TRAPPC13: variants seen among roughly 807,000 people sequenced by gnomAD.
The protein encoded by TRAPPC13 is REV7-interacting novel NHEJ regulator 1.
TRAPPC13 carries 39 observed loss-of-function variants against 54.0 expected under a neutral mutation model. That is an observed-to-expected ratio of 0.72 (90% CI 0.56 to 0.94). The LOEUF is 0.94. Ranked by LOEUF, TRAPPC13 falls within the 40% of genes least tolerant of loss-of-function variation. The pLI is 0.00. For missense variants in TRAPPC13, 386 were observed against 488.1 expected (o/e 0.79, Z 1.97); for synonymous variants, 148 against 167.7 (o/e 0.88, Z 0.91).
intron 10 of TRAPPC13, chr5:65,661,824 G>T: frequency 2.5e-6 from 1 of 400,878 alleles, no homozygotes; most frequent in East Asian, 4.2e-5. Context: ...ACTGAACATG[G>T]AATAATTATA....
At position 65,625,125 on chromosome 5, in the gene TRAPPC13, G is replaced by A; in HGVS notation, c.46+19G>A. On this transcript the variant is annotated intron_variant, in intron 1 of 12. Transcript: ENST00000399438. ...CTAAAAGGTAAACTTTTGCGAACCTGATTCCCCCTTTTCTGTTTCCTTGCA... is the reference window on the plus strand; with the variant it reads ...CTAAAAGGTAAACTTTTGCGAACCTAATTCCCCCTTTTCTGTTTCCTTGCA... 1 of 1,607,490 alleles carries A rather than the reference G, an allele frequency of 6.2e-7. No individual in the cohort carries two copies. Among genetic ancestry groups the A allele is most frequent in the Non-Finnish European group, 8.5e-7 (1 of 1,173,984 alleles).
chr5:65,626,984 A>G (rs1581202387), intron 1 of TRAPPC13, among the ~76,000 whole-genome samples: 1 of 151,860 alleles, frequency 6.6e-6, no homozygotes, highest in East Asian at 2.0e-4. Context: ...TACCAAAAAT[A>G]CAAAAATTAG....
intron 6 of TRAPPC13, 114 bp from the exon 7 acceptor site, chr5:65,652,387 C>G: frequency 5.8e-6 from 2 of 345,282 alleles, no homozygotes; most frequent in South Asian, 4.8e-5. Context: ...TTAGAAAAGT[C>G]TTTTAACAAT....
intron 3 of TRAPPC13, 93 bp downstream of exon 3, chr5:65,636,136 A>G (rs1755736503): frequency 2.5e-6 from 2 of 787,354 alleles, no homozygotes; most frequent in Non-Finnish European, 4.0e-6. Flanking sequence ...TGCTCATGAT[A>G]CATTTACCTT....
chr5:65,644,186 T>G (rs996942377), intron 4 of TRAPPC13, among the ~76,000 whole-genome samples: 8 of 152,330 alleles, frequency 5.3e-5, no homozygotes, highest in South Asian at 4.1e-4. Flanking sequence ...TTTTTTTTCT[T>G]TATGTTTCAA....
At chr5:65,652,054 G>A (rs1024817884) in intron 6 of TRAPPC13, among the ~76,000 whole-genome samples, 9 of 151,704 alleles carry the variant, frequency 5.9e-5, no homozygotes, top group Admixed American at 2.6e-4. Context: ...AGTACAGACG[G>A]GGTTTTGCCA....
Position 65,660,688 on chromosome 5 carries a change from AC to A in TRAPPC13, c.699-7del. 2 of 1,568,866 alleles carry A rather than the reference AC, an allele frequency of 1.3e-6. No individual in the cohort carries two copies. The highest frequency in any genetic ancestry group is 1.7e-6 in the Non-Finnish European group (2 of 1,159,670). ...GAGAATTTTCTCCGTCTCTGTCTCC[AC>A]CCCTCTCAGTGTGTCTACGTTTGGG... On this transcript the variant is annotated splice_polypyrimidine_tract_variant and intron_variant, in intron 9 of 12. Transcript: ENST00000399438.
intron 10 of TRAPPC13, 44 bp downstream of exon 10, chr5:65,660,941 A>C: frequency 1.3e-6 from 2 of 1,510,274 alleles, no homozygotes; most frequent in Non-Finnish European, 1.8e-6. Flanking sequence ...TGTGTGAAAG[A>C]CAGGTAGTTA....
chr5:65,643,440 TATACTA>T (rs1224475937), intron 4 of TRAPPC13, among the ~76,000 whole-genome samples: 1 of 152,160 alleles, frequency 6.6e-6, no homozygotes, highest in East Asian at 1.9e-4. Flanking sequence ...TCATCCGTCT[TATACTA>T]AGAGTGGCAT....
chr5:65,628,436 A>G (rs982422684), intron 1 of TRAPPC13, among the ~76,000 whole-genome samples: 1 of 151,612 alleles, frequency 6.6e-6, no homozygotes, highest in African/African-American at 2.4e-5. Flanking sequence ...TTCTATCTAT[A>G]TATTTGTTTG....
chr5:65,658,720 T>A (rs1195655514), intron 9 of TRAPPC13, among the ~76,000 whole-genome samples: 2 of 150,816 alleles, frequency 1.3e-5, no homozygotes, highest in East Asian at 1.9e-4. Flanking sequence ...ATTTTTATTT[T>A]TATTTATTTA....
intron 4 of TRAPPC13, 71 bp downstream of exon 4, chr5:65,637,851 G>C: frequency 1.3e-6 from 1 of 795,694 alleles, no homozygotes; most frequent in Non-Finnish European, 2.0e-6. Context: ...GGGCATGGTG[G>C]CTCATGCCTG....
chr5:65,641,872 CTT>C (rs78528911), intron 4 of TRAPPC13, among the ~76,000 whole-genome samples: 1 of 140,520 alleles, frequency 7.1e-6, no homozygotes, highest in Non-Finnish European at 1.6e-5. Flanking sequence ...AACACTTTTT[CTT>C]TTTTTTTTTT....
chr5:65,659,150 GGTTT>G (rs2150691222), intron 9 of TRAPPC13, among the ~76,000 whole-genome samples: 1 of 152,112 alleles, frequency 6.6e-6, no homozygotes, highest in Admixed American at 6.6e-5. Context: ...TTTGGTTTTT[GGTTT>G]GTTTTGTTTT....
Position 65,658,396 on chromosome 5 carries a change from T to A in TRAPPC13, c.593T>A (p.Ile198Asn). 1.3e-6 allele frequency: 2 copies of A among 1,599,922 alleles called. No individual in the cohort carries two copies. Among genetic ancestry groups the A allele is most frequent in the Non-Finnish European group, 1.7e-6 (2 of 1,172,040 alleles). The change falls in exon 9 of 13, where the codon ATT (isoleucine) becomes AAT (asparagine). Residue 198 changes from isoleucine (I) to asparagine (N), a missense_variant. Transcript: ENST00000399438. ...VTDEVFLEAQ[I>N]QNMTTSPMFM... ...GATGAAGTATTTCTGGAAGCCCAGA[T>A]TCAGAATATGACAACCTCACCTATG...
intron 6 of TRAPPC13, among the ~76,000 whole-genome samples, chr5:65,651,646 T>TGG (rs531254946): frequency 0.26 from 36,791 of 142,060 alleles, 5,414 homozygotes; most frequent in Non-Finnish European, 0.32. Context: ...CACATTTATG[T>TGG]GGGGGGGGTG....
chr5:65,633,477 T>C (rs1239066960), intron 1 of TRAPPC13, among the ~76,000 whole-genome samples: 1 of 152,014 alleles, frequency 6.6e-6, no homozygotes, highest in Non-Finnish European at 1.5e-5. Flanking sequence ...AGACGGAGTT[T>C]CACCGTGGTC....
intron 9 of TRAPPC13, among the ~76,000 whole-genome samples, chr5:65,659,967 C>CAAAAAAAAAAA (rs141876171): frequency 1.5e-4 from 14 of 95,226 alleles, no homozygotes; most frequent in Non-Finnish European, 2.3e-4. Context: ...GTATTTTAAA[C>CAAAAAAAAAAA]AAAAAAAAAA....
At chr5:65,638,080 G>A (rs982857730) in intron 4 of TRAPPC13, among the ~76,000 whole-genome samples, 4 of 144,322 alleles carry the variant, frequency 2.8e-5, no homozygotes, top group South Asian at 2.2e-4. Flanking sequence ...CCAAGATCAC[G>A]CCACTGCACT....
Sources: gnomAD v4.1 joint callset for allele counts (sites outside exome capture counted in the v4.1 genomes callset) on GRCh38, gnomAD v4.1.1 for gene constraint, MANE v1.5 for transcripts, NCBI Gene and HGNC (gene_info 2026-07-23, HGNC 2026-07-21) for gene names.